The following SUCLG2 variants were observed in gnomAD, a reference collection of about 807,000 sequenced individuals.
SUCLG2 encodes the protein succinate--CoA ligase [GDP-forming] subunit beta, mitochondrial.
A neutral mutation model predicts 47.9 loss-of-function variants in SUCLG2; 42 were observed. The observed-to-expected ratio is 0.88, with a 90% CI of 0.69 to 1.14. The LOEUF is 1.14. SUCLG2 is among the 50% of genes most tolerant of loss of function. SUCLG2 has a pLI of 0.00. For missense variants in SUCLG2, 571 were observed against 525.9 expected, an observed-to-expected ratio of 1.09 and a Z score of -0.84; for synonymous variants, 195 against 197.3, an observed-to-expected ratio of 0.99 and a Z score of 0.10.
At chr3:67,505,020 A>G (rs1188737803) in intron 7 of SUCLG2, among the ~76,000 whole-genome samples, 1 of 152,210 alleles carries the variant, frequency 6.6e-6, no homozygotes, top group Non-Finnish European at 1.5e-5. Flanking sequence ...TCTGGTAGGC[A>G]TGTTTTGACT....
chr3:67,510,040 C>T (rs1302275405), intron 6 of SUCLG2, among the ~76,000 whole-genome samples: 3 of 152,234 alleles, frequency 2.0e-5, no homozygotes, highest in Admixed American at 1.3e-4. Flanking sequence ...CTGGCTGTTG[C>T]TCCCACTGGA....
chr3:67,614,826 C>G (rs981595879), intron 1 of SUCLG2, among the ~76,000 whole-genome samples: 1 of 152,106 alleles, frequency 6.6e-6, no homozygotes, highest in African/African-American at 2.4e-5. Context: ...GCCTAGGGAT[C>G]ATATAGTAAG....
intron 9 of SUCLG2, among the ~76,000 whole-genome samples, chr3:67,494,652 G>A (rs1166274331): frequency 6.6e-6 from 1 of 152,020 alleles, no homozygotes; most frequent in African/African-American, 2.4e-5. Context: ...AAAAATTAAA[G>A]AAAAAGTTTT....
At chr3:67,651,469 A>T (rs2107388484) in intron 1 of SUCLG2, among the ~76,000 whole-genome samples, 1 of 152,296 alleles carries the variant, frequency 6.6e-6, no homozygotes, top group Non-Finnish European at 1.5e-5. Flanking sequence ...CATATGTCAA[A>T]AAGGCCATCT....
chr3:67,523,506 A>G (rs1157908732), intron 4 of SUCLG2, among the ~76,000 whole-genome samples: 7 of 152,198 alleles, frequency 4.6e-5, no homozygotes, highest in Non-Finnish European at 1.0e-4. Flanking sequence ...AAATTCTTTC[A>G]GAATTTCTGA....
chr3:67,494,553 G>A (rs1297148663), intron 9 of SUCLG2, among the ~76,000 whole-genome samples: 1 of 152,142 alleles, frequency 6.6e-6, no homozygotes, highest in African/African-American at 2.4e-5. Context: ...TTGGGCCCAG[G>A]AGATTGAGGC....
At chr3:67,440,202 C>G (rs565466968) in intron 9 of SUCLG2, among the ~76,000 whole-genome samples, 2 of 152,268 alleles carry the variant, frequency 1.3e-5, no homozygotes, top group East Asian at 3.9e-4. Context: ...AGCTGGACTC[C>G]TTCCTTACAC....
intron 1 of SUCLG2, among the ~76,000 whole-genome samples, chr3:67,653,718 A>T (rs764098951): frequency 2.0e-5 from 3 of 152,232 alleles, no homozygotes; most frequent in Non-Finnish European, 4.4e-5. Flanking sequence ...AGTGATTTCT[A>T]CAAGAGTCAT....
At chr3:67,561,944 G>A (rs1470495064) in intron 2 of SUCLG2, among the ~76,000 whole-genome samples, 2 of 152,098 alleles carry the variant, frequency 1.3e-5, no homozygotes, top group Non-Finnish European at 2.9e-5. Context: ...TACATCATTT[G>A]AAAAGGTTCC....
At chr3:67,583,725 G>A (rs538844250) in intron 2 of SUCLG2, among the ~76,000 whole-genome samples, 2 of 152,176 alleles carry the variant, frequency 1.3e-5, no homozygotes, top group Non-Finnish European at 2.9e-5. Flanking sequence ...GCAGCTACAA[G>A]ACTGAGGTAT....
At chr3:67,567,489 G>A (rs938565334) in intron 2 of SUCLG2, among the ~76,000 whole-genome samples, 2 of 151,918 alleles carry the variant, frequency 1.3e-5, no homozygotes, top group Admixed American at 6.6e-5. Context: ...GTTTTGTCCA[G>A]GCTGGTCTCA....
intron 9 of SUCLG2, among the ~76,000 whole-genome samples, chr3:67,487,397 A>T (rs1160491461): frequency 6.6e-6 from 1 of 152,146 alleles, no homozygotes; most frequent in Non-Finnish European, 1.5e-5. Flanking sequence ...GTGAGACATC[A>T]AAATTTATAT....
intron 9 of SUCLG2, among the ~76,000 whole-genome samples, chr3:67,451,167 C>T (rs1443899903): frequency 2.0e-5 from 3 of 152,216 alleles, no homozygotes; most frequent in African/African-American, 7.2e-5. Context: ...TACATTTCTT[C>T]TAACACCTTT....
At chr3:67,390,959 CA>C (rs1283421974) in intron 10 of SUCLG2, among the ~76,000 whole-genome samples, 1 of 152,120 alleles carries the variant, frequency 6.6e-6, no homozygotes, top group African/African-American at 2.4e-5. Flanking sequence ...GCTTGTTTCT[CA>C]GGTGTTCATT....
At chr3:67,409,138 T>C in intron 9 of SUCLG2, 4 of 1,296,988 alleles carry the variant, frequency 3.1e-6, no homozygotes, top group Non-Finnish European at 3.1e-6. Context: ...GATAAAAGAG[T>C]TGTCCAGAGC....
intron 9 of SUCLG2, among the ~76,000 whole-genome samples, chr3:67,422,909 G>A (rs182863283): frequency 1.3e-5 from 2 of 152,300 alleles, no homozygotes; most frequent in East Asian, 1.9e-4. Context: ...ATCACATTAG[G>A]TGGAAGCTTC....
intron 10 of SUCLG2, among the ~76,000 whole-genome samples, chr3:67,398,938 A>G (rs1244335897): frequency 6.8e-6 from 1 of 147,908 alleles, no homozygotes; most frequent in African/African-American, 2.5e-5. Context: ...ACCAAACACC[A>G]CATGTTGTCA....
downstream of SUCLG2, among the ~76,000 whole-genome samples, chr3:67,373,109 ATT>A (rs1247218012): frequency 6.6e-6 from 1 of 152,138 alleles, no homozygotes; most frequent in African/African-American, 2.4e-5. Flanking sequence ...TATGATATAT[ATT>A]TTCTCGCTTA....
At chr3:67,421,565 T>C (rs997165127) in intron 9 of SUCLG2, among the ~76,000 whole-genome samples, 18 of 152,204 alleles carry the variant, frequency 1.2e-4, no homozygotes, top group African/African-American at 4.3e-4. Flanking sequence ...ACATACTAAA[T>C]GTATAGGCAA....
Sources: allele counts gnomAD v4.1 joint callset (sites outside exome capture counted in the v4.1 genomes callset), GRCh38; gene constraint gnomAD v4.1.1; transcripts MANE v1.5; gene names NCBI Gene and HGNC (gene_info 2026-07-23, HGNC 2026-07-21).